The following DHX9 variants were observed in gnomAD, a reference collection of about 807,000 sequenced individuals.
DHX9 encodes the protein ATP-dependent RNA helicase A.
DHX9 carries 27 observed loss-of-function variants against 148.7 expected under a neutral mutation model. That is an observed-to-expected ratio of 0.18 (90% CI 0.13 to 0.25). The LOEUF (loss-of-function observed/expected upper bound fraction) is 0.25. Ranked by LOEUF, DHX9 falls within the 10% of genes least tolerant of loss-of-function variation. DHX9 has a pLI of 1.00. For missense variants in DHX9, 796 were observed against 1,559.6 expected (o/e 0.51, Z 8.25); for synonymous variants, 529 against 516.6 (o/e 1.02, Z -0.33).
chr1:182,873,518 C>T (rs541502249), intron 15 of DHX9, among the ~76,000 whole-genome samples: 27 of 152,220 alleles, frequency 1.8e-4, no homozygotes, highest in Non-Finnish European at 2.9e-4. Context: ...GTGGTGGGAG[C>T]TCAGTTTCTT....
intron 6 of DHX9, chr1:182,855,835 A>C (rs529485932): frequency 1.4e-6 from 1 of 700,880 alleles, no homozygotes; most frequent in South Asian, 6.3e-5. Context: ...AAGGACCAGA[A>C]TGCATAGTTA....
chr1:182,843,082 A>G (rs7533385), intron 2 of DHX9, among the ~76,000 whole-genome samples: 6,858 of 152,316 alleles, frequency 0.045, 252 homozygotes, highest in Admixed American at 0.09. Flanking sequence ...TATGAGAAAA[A>G]AAAATCTGAG....
chr1:182,867,668 G>C (rs1337730321), intron 14 of DHX9, among the ~76,000 whole-genome samples: 2 of 152,186 alleles, frequency 1.3e-5, no homozygotes, highest in African/African-American at 4.8e-5. Flanking sequence ...CTCCCAAAAT[G>C]CTGGGATTAC....
intron 4 of DHX9, 103 bp downstream of exon 4, chr1:182,852,447 T>A: frequency 2.7e-6 from 2 of 746,202 alleles, no homozygotes; most frequent in Non-Finnish European, 4.2e-6. Flanking sequence ...CAGTAAACTC[T>A]TGATGTTAAG....
chr1:182,867,929 A>C lies in DHX9; in HGVS notation c.1557+886A>C, dbSNP rs547447284. 2.0e-5 allele frequency among the ~76,000 whole-genome samples: 3 copies of C among 152,338 alleles called. No individual in the cohort carries two copies. In the South Asian group the frequency reaches 6.2e-4, roughly 32 times the overall value. Reference sequence around the variant, plus strand: ...TAGTGACTTTCAAAGGTTTCAGTGCATGGGCAGCATGCTTATTTAAACTGT... The same window carrying C: ...TAGTGACTTTCAAAGGTTTCAGTGCCTGGGCAGCATGCTTATTTAAACTGT... On this transcript the variant is annotated intron_variant, in intron 14 of 27. Coordinates refer to ENST00000367549, the MANE Select transcript of DHX9 (RefSeq NM_001357.5).
intron 14 of DHX9, among the ~76,000 whole-genome samples, chr1:182,869,262 T>C (rs1648438594): frequency 6.6e-6 from 1 of 152,212 alleles, no homozygotes; most frequent in Non-Finnish European, 1.5e-5. Flanking sequence ...TGGTCCAGTC[T>C]TCTCCAGTCC....
intron 4 of DHX9, 34 bp from the exon 5 acceptor site, chr1:182,853,272 T>G: frequency 6.9e-7 from 1 of 1,446,974 alleles, no homozygotes. Context: ...TCTACAGTTA[T>G]GACTCATTAA....
chr1:182,858,990 A>G lies in DHX9; in HGVS notation c.1063-50A>G, dbSNP rs756019684. On this transcript the variant is annotated intron_variant, in intron 10 of 27. Transcript: ENST00000367549. ...CTAGGTAAAAAATGGATTTATTTTGAAGCTGAATTATGTGCTTTTGTTTGA... is the reference window on the plus strand; with the variant it reads ...CTAGGTAAAAAATGGATTTATTTTGGAGCTGAATTATGTGCTTTTGTTTGA... 1.2e-5 allele frequency: 19 copies of G among 1,611,154 alleles called. No individual in the cohort carries two copies. The East Asian group carries it at 4.0e-4, about 34-fold the overall frequency.
chr1:182,883,251 G>A lies in DHX9; in HGVS notation c.3027G>A (p.Lys1009=). ...CCAATGTATGCTATCATAAGGAAAA[G>A]AGGAAGATTCTCACCACTGAAGGGC... ...VYPNVCYHKE[K]RKILTTEGRN... The change falls in exon 25 of 28, where the codon AAG becomes AAA. Residue 1009 remains lysine, a synonymous_variant. Transcript: ENST00000367549. The A allele has an allele frequency of 1.9e-6, 3 of 1,614,120 alleles. No homozygotes were observed. The highest frequency in any genetic ancestry group is 2.5e-6 in the Non-Finnish European group (3 of 1,179,976).
chr1:182,879,371 C>G lies in DHX9; in HGVS notation c.2473C>G (p.Pro825Ala). The G allele has an allele frequency of 1.3e-6, 2 of 1,525,972 alleles. No homozygotes were observed. The highest frequency in any genetic ancestry group is 1.8e-6 in the Non-Finnish European group (2 of 1,118,690). 94.5% of individuals were successfully genotyped at this position (1,525,972 alleles called of 1,614,324 possible). The part of the protein sequence containing the change: ...QFLAKAIEPP[P>A]LDAVIEAEHT... ...TCTGGCCAAAGCAATTGAACCTCCC[C>G]CTTTGGATGCTGTGATTGAAGCAGA... The change falls in exon 21 of 28, where the codon CCT (proline) becomes GCT (alanine). Residue 825 changes from proline (P) to alanine (A), a missense_variant. By Grantham distance (27) the Pro-to-Ala change is conservative. Transcript: ENST00000367549.
chr1:182,869,298 A>G (rs543083823), intron 14 of DHX9, among the ~76,000 whole-genome samples: 1 of 152,108 alleles, frequency 6.6e-6, no homozygotes, highest in Non-Finnish European at 1.5e-5. Context: ...GGTTCGGCCC[A>G]GTCTGGTCCG....
rs768462016 is a variant in DHX9, at chr1:182,858,933, T to C, written c.1062+39T>C. On this transcript the variant is annotated intron_variant, in intron 10 of 27. Coordinates refer to ENST00000367549, the MANE Select transcript of DHX9 (RefSeq NM_001357.5). ...TGTTTTTGAGATCAGAGTCTTGTGT[T>C]TTACTCTTGAGACTATATTTGATTA... 2.0e-5 allele frequency: 33 copies of C among 1,612,084 alleles called. No homozygotes were observed. In the African/African-American group the frequency reaches 3.7e-4, roughly 18 times the overall value.
At chr1:182,883,897 CTAG>C (rs1208864377) in intron 26 of DHX9, among the ~76,000 whole-genome samples, 2 of 152,188 alleles carry the variant, frequency 1.3e-5, no homozygotes, top group African/African-American at 2.4e-5. Flanking sequence ...TGATTCAAAA[CTAG>C]TGGTAAGCAC....
At chr1:182,882,399 C>T (rs1164814329) in intron 24 of DHX9, among the ~76,000 whole-genome samples, 2 of 152,188 alleles carry the variant, frequency 1.3e-5, no homozygotes, top group South Asian at 2.1e-4. Context: ...TAGCTAAGTA[C>T]TCAAAGTGTA....
In DHX9 at chr1:182,883,195, G is replaced by A. The variant is rs765063564; in HGVS notation, c.2971G>A (p.Val991Ile). Residue 991 changes from valine (V) to isoleucine (I), a missense_variant, in exon 25 of 28, where the codon GTT becomes ATT. Transcript: ENST00000367549. ...NTGPDNNLDV[V>I]ISLLAFGVYP... The stretch of plus-strand genomic sequence containing the variant: ...TGGACCAGATAATAATTTGGATGTT[G>A]TTATCTCCCTCCTGGCCTTTGGTGT... 8.1e-6 allele frequency: 13 copies of A among 1,614,010 alleles called. No individual in the cohort carries two copies. The East Asian group carries it at 2.2e-4, about 28-fold the overall frequency.
intron 26 of DHX9, 88 bp downstream of exon 26, chr1:182,883,723 C>T (rs1649192907): frequency 1.2e-6 from 1 of 800,828 alleles, no homozygotes; most frequent in African/African-American, 1.7e-5. Context: ...TAATTATATA[C>T]TAATTATATC....
intron 16 of DHX9, chr1:182,875,259 C>CA (rs1648708256): frequency 1.5e-5 from 7 of 455,866 alleles, no homozygotes; most frequent in Admixed American, 7.4e-5. Context: ...TTTTGCTACT[C>CA]AAAGTTTTTC....
intron 16 of DHX9, 52 bp from the exon 17 acceptor site, chr1:182,875,998 A>G: frequency 1.4e-6 from 2 of 1,425,550 alleles, no homozygotes; most frequent in Non-Finnish European, 2.0e-6. Context: ...TAGAAGACTT[A>G]CCTCATGAGT....
chr1:182,870,917 G>A (rs756685809), intron 14 of DHX9, among the ~76,000 whole-genome samples: 1 of 152,154 alleles, frequency 6.6e-6, no homozygotes, highest in Middle Eastern at 3.4e-3. Flanking sequence ...TTTTTCTTAT[G>A]GTGTGTTCAA....
Sources: allele counts gnomAD v4.1 joint callset (sites outside exome capture counted in the v4.1 genomes callset), GRCh38; gene constraint gnomAD v4.1.1; transcripts MANE v1.5; gene names NCBI Gene and HGNC (gene_info 2026-07-23, HGNC 2026-07-21).